The following MAP3K15 variants were observed in gnomAD, a reference collection of about 807,000 sequenced individuals.
MAP3K15 encodes MAPK/ERK kinase kinase 15.
Under a neutral mutation model 99.5 loss-of-function variants are expected in MAP3K15, and 124 were observed. The ratio of observed to expected loss-of-function variants is 1.25; its 90% CI spans 1.08 to 1.45. The LOEUF (loss-of-function observed/expected upper bound fraction) is 1.45. MAP3K15 is among the 40% of genes most tolerant of loss of function. The pLI is 0.00. For synonymous variants in MAP3K15, 494 were observed against 439.6 expected, an observed-to-expected ratio of 1.12 and a Z score of -1.55; for missense variants, 1,242 against 1,079.7, an observed-to-expected ratio of 1.15 and a Z score of -2.11.
intron 9 of MAP3K15, among the ~76,000 whole-genome samples, chrX:19,417,115 G>C (rs1255586670): frequency 8.9e-6 from 1 of 111,926 alleles, no homozygotes; most frequent in Non-Finnish European, 1.9e-5. Context: ...CCCCCAGCAT[G>C]AGCGATGCAG....
chrX:19,511,736 C>T (rs1225166816), intron 1 of MAP3K15, among the ~76,000 whole-genome samples: 3 of 111,889 alleles, frequency 2.7e-5, no homozygotes, highest in African/African-American at 9.7e-5. Flanking sequence ...TGAATTAGTT[C>T]AACCATTGTG....
At chrX:19,475,549 C>T (rs1255452575) in intron 3 of MAP3K15, among the ~76,000 whole-genome samples, 1 of 111,267 alleles carries the variant, frequency 9.0e-6, no homozygotes, top group Non-Finnish European at 1.9e-5. Context: ...TCACGTAGAA[C>T]ATCCTAACTG....
chrX:19,415,251 C>A lies in MAP3K15; in HGVS notation c.1446G>T (p.Leu482=). 8.6e-7 allele frequency: 1 copy of A among 1,167,429 alleles called. No homozygotes were observed. The highest frequency in any genetic ancestry group is 3.0e-5 in the East Asian group (1 of 32,826). ...GTAACAAGTTCTGAACTAATGATCG[C>A]AGGTACCTGGAAAAATCACAAACAG... The part of the protein sequence containing the change: ...LFKLKPPVWY[L]RSLVQNLLLI... The change falls in exon 10 of 29, where the codon CTG becomes CTT. Residue 482 remains leucine, a synonymous_variant. Transcript: ENST00000338883.
chrX:19,506,610 C>A (rs1387250105), intron 1 of MAP3K15, among the ~76,000 whole-genome samples: 1 of 111,407 alleles, frequency 9.0e-6, no homozygotes, highest in African/African-American at 3.3e-5. Context: ...AAAACCTCCA[C>A]CTCACGGGTT....
intron 18 of MAP3K15, among the ~76,000 whole-genome samples, chrX:19,384,096 C>T (rs2063478024): frequency 8.9e-6 from 1 of 112,068 alleles, no homozygotes; most frequent in Admixed American, 9.5e-5. Flanking sequence ...AAGTGTCCAT[C>T]AACAGATGAA....
At position 19,398,354 on chromosome X, in the gene MAP3K15, C is replaced by G. The variant is rs371275375; in HGVS notation, c.1938G>C (p.Glu646Asp). The G allele has an allele frequency of 8.3e-7, 1 of 1,208,662 alleles. No homozygotes were observed. Among genetic ancestry groups the G allele is most frequent in the Non-Finnish European group, 1.1e-6 (1 of 894,750 alleles). Residue 646 changes from glutamate (E) to aspartate (D), a missense_variant, in exon 15 of 29, where the codon GAG (glutamate) becomes GAC (aspartate). Glu to Asp is a conservative substitution (Grantham distance 45). Coordinates refer to ENST00000338883, the MANE Select transcript of MAP3K15 (RefSeq NM_001001671.4). ...TCTCACCATTTGCATCATGGTCATACTCATACTGAAGAAGGAAAAACAAAA... is the reference window on the plus strand; with the variant it reads ...TCTCACCATTTGCATCATGGTCATAGTCATACTGAAGAAGGAAAAACAAAA... ...GETDGDTLEYEYDHDANGERV... is the reference protein window; with the variant it reads ...GETDGDTLEYDYDHDANGERV...
chrX:19,380,338 G>A, intron 18 of MAP3K15, 61 bp from the exon 19 acceptor site: 3 of 1,146,822 alleles, frequency 2.6e-6, no homozygotes, highest in Non-Finnish European at 3.5e-6. Flanking sequence ...TAAGTGGCCT[G>A]TAGTCCCAGC....
intron 16 of MAP3K15, among the ~76,000 whole-genome samples, chrX:19,394,141 TTGAA>T (rs975668584): frequency 4.5e-5 from 5 of 111,228 alleles, no homozygotes; most frequent in African/African-American, 1.3e-4. Context: ...TAACTGTCAG[TTGAA>T]TGAATGAATG....
chrX:19,374,425 C>T, intron 20 of MAP3K15, 52 bp downstream of exon 20: 1 of 1,128,590 alleles, frequency 8.9e-7, no homozygotes, highest in Non-Finnish European at 1.2e-6. Context: ...AAGCCCAGCG[C>T]CCAGCATTCT....
At chrX:19,427,456 CCAAAATCCT>C (rs2063841631) in intron 7 of MAP3K15, among the ~76,000 whole-genome samples, 1 of 111,328 alleles carries the variant, frequency 9.0e-6, no homozygotes, top group Non-Finnish European at 1.9e-5. Flanking sequence ...AGCCGTATTG[CCAAAATCCT>C]GGATCCCAAA....
At chrX:19,401,640 A>G (rs1391251144) in intron 13 of MAP3K15, among the ~76,000 whole-genome samples, 1 of 111,624 alleles carries the variant, frequency 9.0e-6, no homozygotes, top group East Asian at 2.8e-4. Flanking sequence ...AATGGTGAGG[A>G]GGAAACGCAT....
intron 15 of MAP3K15, among the ~76,000 whole-genome samples, chrX:19,397,511 C>T (rs1316140508): frequency 9.0e-6 from 1 of 111,256 alleles, no homozygotes; most frequent in Non-Finnish European, 1.9e-5. Flanking sequence ...GCTCCTCAGG[C>T]GGCTGAAGTG....
At position 19,515,372 on chromosome X, in the gene MAP3K15, C is replaced by T. The variant is rs2064555767; in HGVS notation, c.-111G>A. 2.4e-6 allele frequency: 1 copy of T among 421,583 alleles called. No homozygotes were observed. Among genetic ancestry groups the T allele is most frequent in the Non-Finnish European group, 3.1e-6 (1 of 325,013 alleles). 34.7% of individuals were successfully genotyped at this position (421,583 alleles called of 1,213,427 possible). ...GGTCCCGGCACCTGCTCCTGAAGCG[C>T]GGGACGCTACGGGAATCGAGGGAAC... On this transcript the variant is annotated 5_prime_UTR_variant, in exon 1 of 29. Coordinates refer to ENST00000338883, the MANE Select transcript of MAP3K15 (RefSeq NM_001001671.4).
chrX:19,398,167 G>A, intron 15 of MAP3K15, 59 bp downstream of exon 15: 1 of 1,189,264 alleles, frequency 8.4e-7, no homozygotes, highest in South Asian at 1.8e-5. Context: ...TGAGCGGTGG[G>A]TATGGGATCT....
intron 13 of MAP3K15, among the ~76,000 whole-genome samples, chrX:19,401,174 G>A (rs1316510342): frequency 9.1e-6 from 1 of 110,420 alleles, no homozygotes; most frequent in Non-Finnish European, 1.9e-5. Flanking sequence ...TAATTCTTCA[G>A]ATGACGTCCC....
intron 6 of MAP3K15, among the ~76,000 whole-genome samples, chrX:19,444,507 G>A (rs981192357): frequency 2.7e-5 from 3 of 111,126 alleles, no homozygotes; most frequent in Admixed American, 9.6e-5. Context: ...GCTCAATCAC[G>A]CATTAAAAAA....
rs1227817065 is a variant in MAP3K15, at chrX:19,362,730, T to G, written c.3679+8A>C. 9.8e-7 allele frequency: 1 copy of G among 1,019,117 alleles called. No individual in the cohort carries two copies. The highest frequency in any genetic ancestry group is 2.3e-5 in the Admixed American group (1 of 42,564). 84.0% of individuals were successfully genotyped at this position (1,019,117 alleles called of 1,213,427 possible). On this transcript the variant is annotated splice_region_variant and intron_variant, in intron 26 of 28. Coordinates refer to ENST00000338883, the MANE Select transcript of MAP3K15 (RefSeq NM_001001671.4). Reference sequence around the variant, plus strand: ...TGTTAAAGTCTGTCTCATTGGAAAATGACTTACAATTCGATTTTAATTTTA... The same window carrying G: ...TGTTAAAGTCTGTCTCATTGGAAAAGGACTTACAATTCGATTTTAATTTTA...
In MAP3K15 at chrX:19,425,464, A is replaced by G; in HGVS notation, c.1439+67T>C. The G allele has an allele frequency of 2.9e-6, 3 of 1,040,811 alleles. No individual in the cohort carries two copies. The South Asian group carries it at 7.2e-5, about 25-fold the overall frequency. 85.8% of individuals were successfully genotyped at this position (1,040,811 alleles called of 1,213,427 possible). A position where few individuals can be genotyped will look rare whatever the true frequency, so the allele number is the denominator to read the frequency against. On this transcript the variant is annotated intron_variant, in intron 9 of 28. Coordinates refer to ENST00000338883, the MANE Select transcript of MAP3K15 (RefSeq NM_001001671.4). ...TCAGAAGGAGAAACATAGTGATTAT[A>G]AGGAAGACATTTCAGAACAAGATCA...
intron 1 of MAP3K15, among the ~76,000 whole-genome samples, chrX:19,490,698 G>A (rs1439568195): frequency 1.8e-5 from 2 of 108,549 alleles, no homozygotes; most frequent in Non-Finnish European, 3.8e-5. Context: ...GCAGTGAGCT[G>A]TGATCATGCC....
Sources: allele counts gnomAD v4.1 joint callset (sites outside exome capture counted in the v4.1 genomes callset), GRCh38; gene constraint gnomAD v4.1.1; transcripts MANE v1.5; gene names NCBI Gene and HGNC (gene_info 2026-07-23, HGNC 2026-07-21).